RPS6KA2: variants seen among roughly 807,000 people sequenced by gnomAD.
The protein encoded by RPS6KA2 is ribosomal protein S6 kinase A2.
Under a neutral mutation model 91.8 loss-of-function variants are expected in RPS6KA2, and 42 were observed. The observed-to-expected ratio is 0.46, with a 90% CI of 0.36 to 0.59. The LOEUF (loss-of-function observed/expected upper bound fraction) is 0.59, where lower values mean the gene tolerates loss of function less well. RPS6KA2 is among the 20% of genes least tolerant of loss of function. The pLI, the probability that RPS6KA2 is intolerant of heterozygous loss-of-function variation, is 0.00. For synonymous variants in RPS6KA2, 414 were observed against 393.6 expected (o/e 1.05, Z -0.61); for missense variants, 798 against 978.5 (o/e 0.82, Z 2.46).
At chr6:166,442,781 G>A (rs1224934585) in intron 14 of RPS6KA2, among the ~76,000 whole-genome samples, 2 of 152,186 alleles carry the variant, frequency 1.3e-5, no homozygotes, top group Non-Finnish European at 2.9e-5. Context: ...TCAGTCATTA[G>A]TAGAGATGGC....
intron 2 of RPS6KA2, among the ~76,000 whole-genome samples, chr6:166,768,167 G>A (rs576547934): frequency 3.1e-4 from 47 of 152,356 alleles, no homozygotes; most frequent in Admixed American, 1.3e-4. Flanking sequence ...GAAACCCAGA[G>A]AGGGCCTCAG....
At chr6:166,702,563 G>GT in intron 2 of RPS6KA2, 1 of 1,429,044 alleles carries the variant, frequency 7.0e-7, no homozygotes, top group Non-Finnish European at 9.9e-7. Context: ...ACCTCCCACT[G>GT]TAAGTGAGGA....
intron 2 of RPS6KA2, among the ~76,000 whole-genome samples, chr6:166,674,999 C>T (rs547132596): frequency 1.3e-5 from 2 of 152,290 alleles, no homozygotes; most frequent in East Asian, 3.9e-4. Flanking sequence ...CATATTTCTA[C>T]GAAATATTCT....
intron 1 of RPS6KA2, among the ~76,000 whole-genome samples, chr6:166,592,164 C>T (rs942111186): frequency 1.3e-5 from 2 of 152,186 alleles, no homozygotes; most frequent in East Asian, 1.9e-4. Flanking sequence ...AAAGACTTCT[C>T]GAGGGAACTA....
At chr6:166,765,141 A>C (rs540368718) in intron 2 of RPS6KA2, among the ~76,000 whole-genome samples, 1 of 133,260 alleles carries the variant, frequency 7.5e-6, no homozygotes, top group East Asian at 3.4e-4. Flanking sequence ...CCACATGAAG[A>C]GAGCCACAGT....
At chr6:166,677,454 A>G (rs1788654033) in intron 2 of RPS6KA2, among the ~76,000 whole-genome samples, 1 of 149,774 alleles carries the variant, frequency 6.7e-6, no homozygotes, top group East Asian at 2.0e-4. Context: ...CTCCTCCTCC[A>G]GGCTCAAGCA....
chr6:166,630,390 C>T (rs77272282), upstream of RPS6KA2, among the ~76,000 whole-genome samples: 2,170 of 152,374 alleles, frequency 0.014, 53 homozygotes, highest in African/African-American at 0.05. Context: ...AAAACTCCCA[C>T]ATATTTTCAA....
chr6:166,459,592 A>T lies in RPS6KA2; in HGVS notation c.973-41T>A, dbSNP rs374831998. ...AAGCAAGACAGGGCACTGAGGATGC[A>T]CAGACATTGCCACAGAACACTGGGG... On this transcript the variant is annotated intron_variant, in intron 11 of 20. Coordinates refer to ENST00000265678, the MANE Select transcript of RPS6KA2 (RefSeq NM_021135.6). This position sits in a 1 kb window ranked among gnomAD's most constrained non-coding sequence, Gnocchi z 4.9. 9.3e-5 allele frequency: 134 copies of T among 1,446,008 alleles called. No homozygotes were observed. The highest frequency in any genetic ancestry group is 1.2e-4 in the Non-Finnish European group (127 of 1,031,586). 89.6% of individuals were successfully genotyped at this position (1,446,008 alleles called of 1,614,324 possible). A position where few individuals can be genotyped will look rare whatever the true frequency, so the allele number is the denominator to read the frequency against.
At chr6:166,631,869 TGG>T (rs1308846691), upstream of RPS6KA2, among the ~76,000 whole-genome samples, 2 of 152,140 alleles carry the variant, frequency 1.3e-5, no homozygotes, top group Non-Finnish European at 2.9e-5. Flanking sequence ...CCCAGACAGG[TGG>T]CACCTCAGGG....
At chr6:166,659,308 T>C (rs1224179138) in intron 2 of RPS6KA2, among the ~76,000 whole-genome samples, 1 of 152,152 alleles carries the variant, frequency 6.6e-6, no homozygotes, top group African/African-American at 2.4e-5. Context: ...CTGACAAAAC[T>C]AATTGCACTA....
chr6:166,586,568 G>A (rs1785181468), intron 1 of RPS6KA2: 8 of 1,260,068 alleles, frequency 6.3e-6, no homozygotes, highest in East Asian at 2.4e-5. Flanking sequence ...AGCTCAGGCC[G>A]AACCCCGCCG....
intron 6 of RPS6KA2, among the ~76,000 whole-genome samples, chr6:166,504,095 AG>A (rs1382000754): frequency 6.6e-6 from 1 of 152,198 alleles, no homozygotes; most frequent in Non-Finnish European, 1.5e-5. Flanking sequence ...GAGATGAGAG[AG>A]GAGGAGAAAC....
intron 2 of RPS6KA2, among the ~76,000 whole-genome samples, chr6:166,676,324 A>C (rs1432115546): frequency 1.3e-5 from 2 of 152,036 alleles, no homozygotes; most frequent in East Asian, 3.9e-4. Context: ...TCTCAAAAAA[A>C]AAAAAAAAAA....
At chr6:166,679,906 C>T (rs1038661755) in intron 2 of RPS6KA2, among the ~76,000 whole-genome samples, 6 of 152,248 alleles carry the variant, frequency 3.9e-5, no homozygotes, top group African/African-American at 1.4e-4. Context: ...CTCTGGGCTG[C>T]AGGAGTACCT....
intron 2 of RPS6KA2, among the ~76,000 whole-genome samples, chr6:166,537,845 G>T (rs1783530048): frequency 1.3e-5 from 2 of 152,218 alleles, no homozygotes; most frequent in Non-Finnish European, 2.9e-5. Flanking sequence ...AAATCAAGTT[G>T]TCAGAGCCTA....
chr6:166,522,299 TG>T lies in RPS6KA2; in HGVS notation c.298+8932del, dbSNP rs748874014. On this transcript the variant is annotated intron_variant, in intron 3 of 20. Transcript: ENST00000265678. ...CTGCTGTGAAGATGAGCAATGGCTG[TG>T]TAAATGCACCTAAGGAAACCACTGT... Among the ~76,000 whole-genome samples, 292 of 152,338 alleles carry T rather than the reference TG, an allele frequency of 1.9e-3. 2 individuals carry two copies. Among genetic ancestry groups the T allele is most frequent in the Non-Finnish European group, 3.4e-3 (232 of 68,028 alleles).
chr6:166,531,280 C>T lies in RPS6KA2; in HGVS notation c.250G>A (p.Ala84Thr), dbSNP rs367768019. 28 of 1,614,002 alleles carry T rather than the reference C, an allele frequency of 1.7e-5. No homozygotes were observed. Among genetic ancestry groups the T allele is most frequent in the African/African-American group, 8.0e-5 (6 of 74,918 alleles). The change falls in exon 3 of 21, where the codon GCT (alanine) becomes ACT (threonine). Residue 84 changes from alanine to threonine, a missense_variant. By Grantham distance (58) the Ala-to-Thr change is moderately conservative (BLOSUM62 0). Coordinates refer to ENST00000265678, the MANE Select transcript of RPS6KA2 (RefSeq NM_021135.6). The stretch of plus-strand genomic sequence containing the variant: ...ACCTTCATGGCGTAGAGCTGCCCAG[C>T]GTCGGACCCCTTCACCTTCCTCACC... ...FLVRKVKGSD[A>T]GQLYAMKVLK...
chr6:166,775,566 C>T (rs1373539642), intron 2 of RPS6KA2, among the ~76,000 whole-genome samples: 1 of 152,232 alleles, frequency 6.6e-6, no homozygotes, highest in Non-Finnish European at 1.5e-5. Flanking sequence ...AATTTGGTTT[C>T]CATGACCCCC....
chr6:166,537,088 G>T (rs1783503797), intron 2 of RPS6KA2, among the ~76,000 whole-genome samples: 1 of 152,230 alleles, frequency 6.6e-6, no homozygotes, highest in Non-Finnish European at 1.5e-5. Context: ...AACAGAATTG[G>T]TCAACCAAAG....
Sources: allele counts gnomAD v4.1 joint callset (sites outside exome capture counted in the v4.1 genomes callset), GRCh38; gene constraint gnomAD v4.1.1; non-coding constraint Gnocchi (gnomAD v3.1); transcripts MANE v1.5; gene names NCBI Gene and HGNC (gene_info 2026-07-23, HGNC 2026-07-21).